ZZEF1: variants seen among roughly 807,000 people sequenced by gnomAD.
The protein encoded by ZZEF1 is zinc finger ZZ-type and EF-hand domain-containing protein 1.
In ZZEF1, 157 loss-of-function variants were observed where a neutral mutation model predicts 342.8. The ratio of observed to expected loss-of-function variants is 0.46; its 90% CI spans 0.40 to 0.52. The LOEUF (loss-of-function observed/expected upper bound fraction) is 0.52. Ranked by LOEUF, ZZEF1 falls within the 20% of genes least tolerant of loss-of-function variation. The probability of loss-of-function intolerance (pLI) is 0.00; values close to 1 mark genes in which losing one functional copy is unlikely to be tolerated. For missense variants in ZZEF1, 3,480 were observed against 3,725.6 expected (o/e 0.93, Z 1.72); for synonymous variants, 1,505 against 1,429.1 (o/e 1.05, Z -1.20).
chr17:4,051,573 A>C (rs1433666033), intron 35 of ZZEF1, among the ~76,000 whole-genome samples: 3 of 151,872 alleles, frequency 2.0e-5, no homozygotes, highest in African/African-American at 7.3e-5. Flanking sequence ...GGCACCCACC[A>C]CCACACCCAG....
chr17:4,013,338 A>T, intron 52 of ZZEF1, 111 bp downstream of exon 52: 1 of 1,106,524 alleles, frequency 9.0e-7, no homozygotes, highest in Non-Finnish European at 1.2e-6. Flanking sequence ...GGAAGACATT[A>T]AAGCCACAAA....
chr17:4,136,065 T>C (rs1292451060), intron 1 of ZZEF1, among the ~76,000 whole-genome samples: 1 of 141,930 alleles, frequency 7.0e-6, no homozygotes, highest in Non-Finnish European at 1.5e-5. Context: ...CGATCTCGGC[T>C]CACTGCAACC....
intron 38 of ZZEF1, among the ~76,000 whole-genome samples, chr17:4,042,838 TGCTCA>T (rs1459708266): frequency 3.3e-5 from 5 of 152,190 alleles, no homozygotes; most frequent in Non-Finnish European, 7.3e-5. Context: ...TGCGCCACCT[TGCTCA>T]GCTAATTTTT....
intron 17 of ZZEF1, 148 bp from the exon 18 acceptor site, chr17:4,081,638 C>T (rs1225719221): frequency 4.6e-6 from 3 of 654,682 alleles, no homozygotes; most frequent in Non-Finnish European, 7.9e-6. Flanking sequence ...AGGCTGTGGA[C>T]CCAGCTGGGG....
At position 4,097,926 on chromosome 17, in the gene ZZEF1, CAA is replaced by C. The variant is rs541461547; in HGVS notation, c.1673-1228_1673-1227del. On this transcript the variant is annotated intron_variant, in intron 9 of 54. Transcript: ENST00000381638. ...CAGCACAGTGAGACCCCATTTCTAC[CAA>C]AAAAAAAAAAAAAAAAAGCAAAAAT... is the stretch of plus-strand genomic sequence containing the variant. 8.0e-4 allele frequency among the ~76,000 whole-genome samples: 51 copies of C among 63,672 alleles called. 1 individual carries two copies. The highest frequency in any genetic ancestry group is 2.4e-3 in the Admixed American group (12 of 5,104). The allele number at this position is 63,672 out of a possible 152,430, so 41.8% of individuals were successfully genotyped here.
At chr17:4,093,708 G>A (rs186113682) in intron 11 of ZZEF1, among the ~76,000 whole-genome samples, 201 of 152,306 alleles carry the variant, frequency 1.3e-3, no homozygotes, top group Middle Eastern at 3.4e-3. Flanking sequence ...GAGTACTGCA[G>A]TGGATGGTAC....
chr17:4,103,499 A>T lies in ZZEF1; in HGVS notation c.1574-1084T>A, dbSNP rs556259195. ...GAGGTGGACGCTGCAGTGGGCTCAGATTATGCCAGTGCACTCCAACCTGGA... is the reference window on the plus strand; with the variant it reads ...GAGGTGGACGCTGCAGTGGGCTCAGTTTATGCCAGTGCACTCCAACCTGGA... On this transcript the variant is annotated intron_variant, in intron 8 of 54. Transcript: ENST00000381638. 1.6e-4 allele frequency among the ~76,000 whole-genome samples: 24 copies of T among 152,248 alleles called. No homozygotes were observed. In the South Asian group the frequency reaches 5.0e-3, roughly 32 times the overall value.
chr17:4,070,699 T>C lies in ZZEF1; in HGVS notation c.4060A>G (p.Lys1354Glu). The change falls in exon 26 of 55, where the codon AAG becomes GAG. Residue 1354 changes from lysine (K) to glutamate (E), a missense_variant. Coordinates refer to ENST00000381638, the MANE Select transcript of ZZEF1 (RefSeq NM_015113.4). ...LVYRTPDLYEKLQKYVNSGGK... is the reference protein window; with the variant it reads ...LVYRTPDLYEELQKYVNSGGK... ...ATAAAGTTACCATATTTTTGCAGCTTCTCATATAAATCTGGAGTGCGATAC... is the reference window on the plus strand; with the variant it reads ...ATAAAGTTACCATATTTTTGCAGCTCCTCATATAAATCTGGAGTGCGATAC... 1 of 1,613,474 alleles carries C rather than the reference T, an allele frequency of 6.2e-7. No homozygotes were observed. The highest frequency in any genetic ancestry group is 8.5e-7 in the Non-Finnish European group (1 of 1,179,728).
Position 4,123,976 on chromosome 17 carries a change from T to C in ZZEF1, c.430A>G (p.Ser144Gly), listed in dbSNP as rs1384657887. 8.1e-6 allele frequency: 13 copies of C among 1,614,068 alleles called. No individual in the cohort carries two copies. Among genetic ancestry groups the C allele is most frequent in the Middle Eastern group, 1.6e-4 (1 of 6,062 alleles). The change falls in exon 2 of 55, where the codon AGT becomes GGT. Residue 144 changes from serine to glycine, a missense_variant. Ser to Gly is a moderately conservative substitution (Grantham distance 56, BLOSUM62 0). Coordinates refer to ENST00000381638, the MANE Select transcript of ZZEF1 (RefSeq NM_015113.4). ...ENMLEALKNSSGANLQGELSH... is the reference protein window; with the variant it reads ...ENMLEALKNSGGANLQGELSH... The stretch of plus-strand genomic sequence containing the variant: ...AGCTCCCCCTGAAGATTAGCTCCAC[T>C]GGAATTCTTGAGGGCCTCCAACATG...
At chr17:4,015,622 G>A (rs1442076305) in intron 49 of ZZEF1, among the ~76,000 whole-genome samples, 1 of 152,162 alleles carries the variant, frequency 6.6e-6, no homozygotes, top group African/African-American at 2.4e-5. Context: ...AAAATTAGCT[G>A]GGCATGGTGG....
At chr17:4,109,612 G>A (rs775967533) in intron 6 of ZZEF1, 41 bp downstream of exon 6, 3 of 1,594,442 alleles carry the variant, frequency 1.9e-6, no homozygotes, top group Non-Finnish European at 2.6e-6. Flanking sequence ...GGGAGAATGA[G>A]GGCATGTTGA....
At chr17:4,083,058 G>A (rs1474532297) in intron 16 of ZZEF1, among the ~76,000 whole-genome samples, 1 of 152,132 alleles carries the variant, frequency 6.6e-6, no homozygotes, top group Non-Finnish European at 1.5e-5. Flanking sequence ...TTACAGGCGT[G>A]AGCCACCGCA....
intron 1 of ZZEF1, among the ~76,000 whole-genome samples, chr17:4,127,632 G>T (rs1226577136): frequency 6.6e-6 from 1 of 152,030 alleles, no homozygotes. Flanking sequence ...CAGAAATCTG[G>T]GGGTGTATTC....
chr17:4,038,961 T>C (rs1265658867), intron 39 of ZZEF1, among the ~76,000 whole-genome samples: 2 of 152,188 alleles, frequency 1.3e-5, no homozygotes, highest in African/African-American at 4.8e-5. Flanking sequence ...AAGAGTTCTT[T>C]ATATATTCCT....
intron 37 of ZZEF1, among the ~76,000 whole-genome samples, chr17:4,046,881 G>C (rs2056925767): frequency 1.3e-5 from 2 of 152,184 alleles, no homozygotes; most frequent in Admixed American, 1.3e-4. Flanking sequence ...TCATTGGACG[G>C]AGAAAAGGTA....
chr17:4,058,009 T>C lies in ZZEF1; in HGVS notation c.5150A>G (p.His1717Arg), dbSNP rs1567801605. Residue 1717 changes from histidine to arginine, a missense_variant, in exon 32 of 55, where the codon CAT becomes CGT. Physicochemically the swap from His to Arg is conservative, Grantham distance 29. Around this residue, in one of 5 missense-constraint regions of ZZEF1, gnomAD observed 175 missense variants for 254.6 expected, o/e 0.69. Coordinates refer to ENST00000381638, the MANE Select transcript of ZZEF1 (RefSeq NM_015113.4). ...MKMSQENISV[H>R]DSVISQWSEE... ...GTGCTCTTACCTGATCACACTGTCATGGACACTTATATTCTCCTGTGACAT... is the reference window on the plus strand; with the variant it reads ...GTGCTCTTACCTGATCACACTGTCACGGACACTTATATTCTCCTGTGACAT... 1.9e-6 allele frequency: 3 copies of C among 1,614,184 alleles called. No individual in the cohort carries two copies. The highest frequency in any genetic ancestry group is 4.5e-5 in the East Asian group (2 of 44,890).
intron 1 of ZZEF1, among the ~76,000 whole-genome samples, chr17:4,126,317 A>C (rs1473015925): frequency 6.6e-6 from 1 of 151,894 alleles, no homozygotes; most frequent in African/African-American, 2.4e-5. Flanking sequence ...CTGGACAACC[A>C]GTCATCGGGA....
intron 9 of ZZEF1, among the ~76,000 whole-genome samples, chr17:4,099,673 G>A (rs1429285895): frequency 6.6e-6 from 1 of 151,464 alleles, no homozygotes; most frequent in Non-Finnish European, 1.5e-5. Flanking sequence ...AGCCTCCCAA[G>A]TAGCTGGGAC....
intron 7 of ZZEF1, 126 bp from the exon 8 acceptor site, chr17:4,104,937 G>T: frequency 2.6e-6 from 2 of 778,722 alleles, no homozygotes; most frequent in Non-Finnish European, 3.9e-6. Context: ...AGGTTTATCC[G>T]AAATATTTTT....
Sources: allele counts gnomAD v4.1 joint callset (sites outside exome capture counted in the v4.1 genomes callset), GRCh38; gene constraint gnomAD v4.1.1; regional missense constraint gnomAD v4.1.1; transcripts MANE v1.5; gene names NCBI Gene and HGNC (gene_info 2026-07-23, HGNC 2026-07-21).